PRKCB: variants seen among roughly 807,000 people sequenced by gnomAD.
The protein encoded by PRKCB is protein kinase C beta.
In PRKCB, 13 loss-of-function variants were observed where a neutral mutation model predicts 81.5. The observed-to-expected ratio is 0.16, with a 90% CI of 0.10 to 0.25. PRKCB has a LOEUF of 0.25. Among genes scored for constraint, PRKCB ranks in the 10% least tolerant of loss-of-function variants. The pLI is 1.00. For missense variants in PRKCB, 509 were observed against 875.7 expected (o/e 0.58, Z 5.29); for synonymous variants, 335 against 321.4 (o/e 1.04, Z -0.45).
chr16:24,182,991 G>T lies in PRKCB; in HGVS notation c.1533+2063G>T, dbSNP rs541743577. On this transcript the variant is annotated intron_variant, in intron 13 of 16. Transcript: ENST00000643927. ...CCTGCCTCAGCCTCCCGAGTAGCTG[G>T]GACTACAGGTGCCCATCACCACGCC... Among the ~76,000 whole-genome samples, 7 of 151,738 alleles carry T rather than the reference G, an allele frequency of 4.6e-5. No homozygotes were observed. In the South Asian group the frequency reaches 1.5e-3, roughly 32 times the overall value.
chr16:24,120,954 G>T (rs1459647979), intron 8 of PRKCB, among the ~76,000 whole-genome samples: 3 of 152,158 alleles, frequency 2.0e-5, no homozygotes, highest in Non-Finnish European at 4.4e-5. Flanking sequence ...CAGCCCACGT[G>T]CTGGGGGGTC....
rs536939564 is a variant in PRKCB, at chr16:24,113,055, C to A, written c.904C>A (p.Arg302=). The A allele has an allele frequency of 2.0e-5, 32 of 1,610,250 alleles. 1 individual carries two copies. In the South Asian group the frequency reaches 3.3e-4, roughly 17 times the overall value. Residue 302 remains arginine (R), a synonymous_variant, in exon 8 of 17, where the codon CGG becomes AGG. Transcript: ENST00000643927. ...AGGAAGTGAGGCCAATGAAGAACTGCGGCAGAAATTTGAGGTGAGGTTTCT... is the reference window on the plus strand; with the variant it reads ...AGGAAGTGAGGCCAATGAAGAACTGAGGCAGAAATTTGAGGTGAGGTTTCT... ...PEGSEANEEL[R]QKFERAKISQ...
intron 9 of PRKCB, among the ~76,000 whole-genome samples, chr16:24,150,797 G>A (rs1967068962): frequency 6.6e-6 from 1 of 152,098 alleles, no homozygotes; most frequent in Non-Finnish European, 1.5e-5. Context: ...TTCCTGTTTG[G>A]CCCTTTATAG....
intron 2 of PRKCB, among the ~76,000 whole-genome samples, chr16:23,864,434 A>G (rs1962737546): frequency 6.6e-6 from 1 of 152,234 alleles, no homozygotes; most frequent in African/African-American, 2.4e-5. Context: ...TTGAAAAGAA[A>G]AATTTATTGA....
chr16:24,220,140 TG>T lies in PRKCB; in HGVS notation c.*5328del. 1 of 1,613,386 alleles carries T rather than the reference TG, an allele frequency of 6.2e-7. No individual in the cohort carries two copies. Among genetic ancestry groups the T allele is most frequent in the Non-Finnish European group, 8.5e-7 (1 of 1,179,538 alleles). ...TGAATGCAAACTCCATCGTTGAGCC[TG>T]GGGTGTAAGACTTCAAGCCAAGCGT... On this transcript the variant is annotated 3_prime_UTR_variant, in exon 17 of 17. Coordinates refer to ENST00000643927, the MANE Select transcript of PRKCB (RefSeq NM_002738.7).
intron 2 of PRKCB, among the ~76,000 whole-genome samples, chr16:23,911,824 A>G (rs374735829): frequency 0.015 from 787 of 52,880 alleles, 11 homozygotes; most frequent in African/African-American, 0.06. Flanking sequence ...TGCGCGACCC[A>G]CATTTTTTTT....
In PRKCB at chr16:23,970,991, G is replaced by T. The variant is rs75464604; in HGVS notation, c.206-17517G>T. Among the ~76,000 whole-genome samples the T allele has an allele frequency of 1.9e-3, 283 of 152,284 alleles. 1 individual carries two copies. The highest frequency in any genetic ancestry group is 6.2e-3 in the African/African-American group (256 of 41,550). Reference sequence around the variant, plus strand: ...CATGGGCAGATTTTCTGGGCCTCTGGCTTAGTTTTCCTCATGCATAAATGG... The same window carrying T: ...CATGGGCAGATTTTCTGGGCCTCTGTCTTAGTTTTCCTCATGCATAAATGG... On this transcript the variant is annotated intron_variant, in intron 2 of 16. Transcript: ENST00000643927.
intron 2 of PRKCB, among the ~76,000 whole-genome samples, chr16:23,855,428 C>G (rs1188539595): frequency 2.6e-5 from 4 of 152,036 alleles, no homozygotes; most frequent in Admixed American, 2.6e-4. Context: ...GACAGGCAAA[C>G]AACAACAAAA....
At chr16:23,929,147 A>G (rs1422191020) in intron 2 of PRKCB, among the ~76,000 whole-genome samples, 10 of 152,094 alleles carry the variant, frequency 6.6e-5, no homozygotes, top group Admixed American at 4.6e-4. Flanking sequence ...GAGAAAGTGT[A>G]CGATGTTTTC....
At chr16:23,942,691 G>A (rs1238224948) in intron 2 of PRKCB, among the ~76,000 whole-genome samples, 1 of 152,132 alleles carries the variant, frequency 6.6e-6, no homozygotes, top group Non-Finnish European at 1.5e-5. Flanking sequence ...TGAAAAATAC[G>A]AAAGCATGTC....
At chr16:24,120,202 G>T (rs890962502) in intron 8 of PRKCB, among the ~76,000 whole-genome samples, 1 of 152,064 alleles carries the variant, frequency 6.6e-6, no homozygotes. Flanking sequence ...CGGGGGTTGC[G>T]GGGGGCGTCG....
At chr16:24,095,006 A>G (rs1966422906) in intron 7 of PRKCB, among the ~76,000 whole-genome samples, 1 of 152,200 alleles carries the variant, frequency 6.6e-6, no homozygotes, top group African/African-American at 2.4e-5. Flanking sequence ...CTAGAAGGCA[A>G]CAATTGAGAA....
At chr16:24,090,924 C>A (rs1966368745) in intron 5 of PRKCB, among the ~76,000 whole-genome samples, 1 of 152,058 alleles carries the variant, frequency 6.6e-6, no homozygotes, top group Non-Finnish European at 1.5e-5. Flanking sequence ...TTCTTGTTAT[C>A]TTGAGTTTAC....
At chr16:24,081,101 C>A (rs1413583914) in intron 5 of PRKCB, among the ~76,000 whole-genome samples, 1 of 151,920 alleles carries the variant, frequency 6.6e-6, no homozygotes, top group Non-Finnish European at 1.5e-5. Flanking sequence ...TCATTTTTTT[C>A]TTTTATAGGT....
chr16:24,063,635 G>T (rs992372018), intron 5 of PRKCB, among the ~76,000 whole-genome samples: 18 of 152,070 alleles, frequency 1.2e-4, no homozygotes, highest in African/African-American at 4.1e-4. Flanking sequence ...TTTATAAGGG[G>T]AGAAAGAATG....
chr16:23,994,759 C>G (rs977826263), intron 3 of PRKCB, among the ~76,000 whole-genome samples: 13 of 152,312 alleles, frequency 8.5e-5, no homozygotes, highest in Admixed American at 5.9e-4. Context: ...TTATCAAATG[C>G]CTTTTTCTCC....
At chr16:23,850,387 C>CT (rs1962452808) in intron 2 of PRKCB, among the ~76,000 whole-genome samples, 1 of 151,856 alleles carries the variant, frequency 6.6e-6, no homozygotes, top group Admixed American at 6.6e-5. Context: ...TAATTTGAGA[C>CT]TGAGTTTTGC....
At chr16:23,982,600 T>A (rs1964753111) in intron 2 of PRKCB, among the ~76,000 whole-genome samples, 1 of 151,900 alleles carries the variant, frequency 6.6e-6, no homozygotes, top group African/African-American at 2.4e-5. Context: ...TGGCTAATTT[T>A]AAAAATTTTT....
intron 2 of PRKCB, among the ~76,000 whole-genome samples, chr16:23,908,958 C>G (rs539088446): frequency 6.6e-6 from 1 of 152,360 alleles, no homozygotes; most frequent in African/African-American, 2.4e-5. Context: ...TGTCCAGTTT[C>G]CTCTGCACGT....
Sources: allele counts gnomAD v4.1 joint callset (sites outside exome capture counted in the v4.1 genomes callset), GRCh38; gene constraint gnomAD v4.1.1; transcripts MANE v1.5; gene names NCBI Gene and HGNC (gene_info 2026-07-23, HGNC 2026-07-21).